The following NBAS variants were observed in gnomAD, a reference collection of about 807,000 sequenced individuals.
NBAS encodes NBAS subunit of NRZ tethering complex.
Under a neutral mutation model 302.5 loss-of-function variants are expected in NBAS, and 219 were observed. The ratio of observed to expected loss-of-function variants is 0.72; its 90% CI spans 0.65 to 0.81. The LOEUF is 0.81. Among genes scored for constraint, NBAS ranks in the 30% least tolerant of loss-of-function variants. NBAS has a pLI of 0.00. For missense variants in NBAS, 2,932 were observed against 2,841.6 expected, an observed-to-expected ratio of 1.03 and a Z score of -0.72; for synonymous variants, 1,118 against 1,021.6, an observed-to-expected ratio of 1.09 and a Z score of -1.80.
chr2:15,301,667 G>C (rs1032871419), intron 40 of NBAS, among the ~76,000 whole-genome samples: 8 of 152,214 alleles, frequency 5.3e-5, no homozygotes, highest in African/African-American at 1.9e-4. Context: ...AAGATGAAAA[G>C]TATTTACGTT....
the NBAS span, among the ~76,000 whole-genome samples, chr2:14,812,146 G>A: frequency 3.9e-5 from 6 of 152,304 alleles, no homozygotes; most frequent in East Asian, 9.6e-4. Context: ...TAGCTCTATA[G>A]GCTAGGGGCC....
chr2:14,977,313 T>C, the NBAS span, among the ~76,000 whole-genome samples: 1 of 152,150 alleles, frequency 6.6e-6, no homozygotes, highest in Non-Finnish European at 1.5e-5. Context: ...ATACAGTGGA[T>C]GAACAAAGAA....
the NBAS span, among the ~76,000 whole-genome samples, chr2:15,023,857 A>G: frequency 6.6e-6 from 1 of 152,064 alleles, no homozygotes; most frequent in African/African-American, 2.4e-5. Context: ...TCAAAGCAAT[A>G]TCTTTGGTAT....
Position 15,275,698 on chromosome 2 carries a change from T to A in NBAS, c.5510A>T (p.Asp1837Val). The A allele has an allele frequency of 6.2e-7, 1 of 1,614,212 alleles. No individual in the cohort carries two copies. The highest frequency in any genetic ancestry group is 8.5e-7 in the Non-Finnish European group (1 of 1,180,044). Reference protein sequence around the residue: ...SKLVPKIPEKDGQMLSPSSLY... With the variant: ...SKLVPKIPEKVGQMLSPSSLY... Reference sequence around the variant, plus strand: ...AGAGCTTGGGGAAAGCATCTGTCCATCCTTTTCAGGGATTTTGGGAACAAG... The same window carrying A: ...AGAGCTTGGGGAAAGCATCTGTCCAACCTTTTCAGGGATTTTGGGAACAAG... Residue 1837 changes from aspartate (D) to valine (V), a missense_variant, in exon 44 of 52, where the codon GAT becomes GTT. Transcript: ENST00000281513.
the NBAS span, among the ~76,000 whole-genome samples, chr2:15,091,834 C>G: frequency 6.6e-6 from 1 of 152,146 alleles, no homozygotes; most frequent in Non-Finnish European, 1.5e-5. Flanking sequence ...CACCCAGCCT[C>G]CTTGTGTTTT....
chr2:15,299,905 G>A (rs1670718012), intron 40 of NBAS, among the ~76,000 whole-genome samples: 1 of 152,172 alleles, frequency 6.6e-6, no homozygotes, highest in African/African-American at 2.4e-5. Context: ...TTCAACACTT[G>A]AGTTTTGGGG....
chr2:15,050,870 A>G, the NBAS span, among the ~76,000 whole-genome samples: 1 of 152,120 alleles, frequency 6.6e-6, no homozygotes, highest in African/African-American at 2.4e-5. Context: ...GTAGGGATGA[A>G]ATGAGACCAG....
chr2:15,118,096 C>G, the NBAS span, among the ~76,000 whole-genome samples: 1 of 152,240 alleles, frequency 6.6e-6, no homozygotes, highest in African/African-American at 2.4e-5. Context: ...TGGTAATTCA[C>G]TGCCCTCCTG....
intron 47 of NBAS, among the ~76,000 whole-genome samples, chr2:15,223,627 G>A (rs1294246598): frequency 1.3e-5 from 2 of 151,912 alleles, no homozygotes; most frequent in African/African-American, 2.4e-5. Context: ...TCTGGAGATC[G>A]AGACCATCCT....
At chr2:14,818,647 T>G in the NBAS span, among the ~76,000 whole-genome samples, 10 of 152,288 alleles carry the variant, frequency 6.6e-5, no homozygotes, top group South Asian at 2.1e-3. Flanking sequence ...TTTTGATTAA[T>G]TTGCGACAGT....
chr2:14,785,398 A>T, the NBAS span, among the ~76,000 whole-genome samples: 6 of 152,142 alleles, frequency 3.9e-5, no homozygotes, highest in Non-Finnish European at 7.3e-5. Context: ...GTGTTGTGCC[A>T]GTTTTCAAAG....
chr2:15,442,202 A>T (rs1394751689), intron 21 of NBAS, among the ~76,000 whole-genome samples: 1 of 121,182 alleles, frequency 8.3e-6, no homozygotes, highest in Admixed American at 8.8e-5. Flanking sequence ...AACAGAATAT[A>T]CATTTTTTTC....
At chr2:15,503,627 G>A (rs981927285) in intron 11 of NBAS, among the ~76,000 whole-genome samples, 10 of 152,226 alleles carry the variant, frequency 6.6e-5, no homozygotes, top group African/African-American at 2.4e-4. Flanking sequence ...GGATGAAACC[G>A]TCTAACATCC....
intron 19 of NBAS, among the ~76,000 whole-genome samples, chr2:15,463,546 C>T (rs561920088): frequency 6.6e-6 from 1 of 152,236 alleles, no homozygotes; most frequent in East Asian, 1.9e-4. Flanking sequence ...CTCAAAGTCC[C>T]TCATTCCTTC....
chr2:15,024,348 G>A, the NBAS span, among the ~76,000 whole-genome samples: 117,173 of 151,994 alleles, frequency 0.77, 45,427 homozygotes, highest in East Asian at 1. Context: ...TGGTATATAT[G>A]TACCACATTT....
the NBAS span, among the ~76,000 whole-genome samples, chr2:15,014,276 G>A: frequency 6.6e-6 from 1 of 152,038 alleles, no homozygotes. Context: ...AATTTATACT[G>A]CACCATATAC....
chr2:15,390,649 A>C (rs563448137), intron 28 of NBAS, among the ~76,000 whole-genome samples: 9 of 152,208 alleles, frequency 5.9e-5, no homozygotes, highest in Non-Finnish European at 1.3e-4. Context: ...GATGAATGTT[A>C]ATTTGTTTCA....
chr2:15,327,694 T>C (rs1190856868), intron 38 of NBAS, 56 bp downstream of exon 38: 4 of 1,605,070 alleles, frequency 2.5e-6, no homozygotes. Context: ...AATTTTTGGT[T>C]AACAATGTTC....
the NBAS span, among the ~76,000 whole-genome samples, chr2:14,792,051 G>T: frequency 1.3e-5 from 2 of 152,132 alleles, no homozygotes; most frequent in African/African-American, 4.8e-5. Context: ...AGAGATACCT[G>T]TTGGCCTGGC....
Sources: allele counts gnomAD v4.1 joint callset (sites outside exome capture counted in the v4.1 genomes callset), GRCh38; gene constraint gnomAD v4.1.1; transcripts MANE v1.5; gene names NCBI Gene and HGNC (gene_info 2026-07-23, HGNC 2026-07-21).